The following NATD1 variants were observed in gnomAD, a reference collection of about 807,000 sequenced individuals.
NATD1 encodes the protein protein NATD1.
Under a neutral mutation model 12.0 loss-of-function variants are expected in NATD1, and 9 were observed. That is an observed-to-expected ratio of 0.75 (90% CI 0.45 to 1.30). The LOEUF is 1.30. Among genes scored for constraint, NATD1 ranks in the 50% most tolerant of loss-of-function variants. The pLI, the probability that NATD1 is intolerant of heterozygous loss-of-function variation, is 0.00. For synonymous variants in NATD1, 71 were observed against 65.9 expected (o/e 1.08, Z -0.37); for missense variants, 148 against 148.5 (o/e 1.00, Z 0.02).
chr17:21,243,336 A>G lies in NATD1; in HGVS notation c.319T>C (p.Tyr107His), dbSNP rs1251587492. The G allele has an allele frequency of 6.2e-7, 1 of 1,612,942 alleles. No homozygotes were observed. The highest frequency in any genetic ancestry group is 8.5e-7 in the Non-Finnish European group (1 of 1,179,890). ...GGTTACGGCTGCAGGCGCTCCAGGTACTGCGGCAGGGGGTTCTCCTTGACG... is the reference window on the plus strand; with the variant it reads ...GGTTACGGCTGCAGGCGCTCCAGGTGCTGCGGCAGGGGGTTCTCCTTGACG... ...KYVKENPLPQ[Y>H]LERLQP Residue 107 changes from tyrosine to histidine, a missense_variant, in exon 3 of 3, where the codon TAC (tyrosine) becomes CAC (histidine). Coordinates refer to ENST00000611551, the MANE Select transcript of NATD1 (RefSeq NM_152914.3).
chr17:21,244,918 T>C lies in NATD1; in HGVS notation c.107-694A>G, dbSNP rs1222134492. ...TGTCTCATCTATTTGTCTCTCCACC[T>C]ACCCATCCATCAACCCACCCATCCA... On this transcript the variant is annotated intron_variant, in intron 1 of 2. Coordinates refer to ENST00000611551, the MANE Select transcript of NATD1 (RefSeq NM_152914.3). This position sits in a 1 kb window ranked among gnomAD's most constrained non-coding sequence, Gnocchi z 5.2. Among the ~76,000 whole-genome samples the C allele has an allele frequency of 6.6e-6, 1 of 152,176 alleles. No homozygotes were observed. The highest frequency in any genetic ancestry group is 1.5e-5 in the Non-Finnish European group (1 of 68,020).
intron 1 of NATD1, among the ~76,000 whole-genome samples, chr17:21,248,412 C>T (rs938912898): frequency 1.3e-5 from 2 of 152,220 alleles, no homozygotes; most frequent in Non-Finnish European, 2.9e-5. Context: ...ACATGGCTTT[C>T]TAAACATGCC....
Position 21,243,333 on chromosome 17 carries a change from G to C in NATD1, c.322C>G (p.Leu108Val), listed in dbSNP as rs576804861. ...YVKENPLPQY[L>V]ERLQP ...CAGGGTTACGGCTGCAGGCGCTCCA[G>C]GTACTGCGGCAGGGGGTTCTCCTTG... is the stretch of plus-strand genomic sequence containing the variant. The change falls in exon 3 of 3, where the codon CTG (leucine) becomes GTG (valine). Residue 108 changes from leucine (L) to valine (V), a missense_variant. Leu to Val is a conservative substitution (Grantham distance 32). Transcript: ENST00000611551. 10 of 1,612,870 alleles carry C rather than the reference G, an allele frequency of 6.2e-6. No individual in the cohort carries two copies. Among genetic ancestry groups the C allele is most frequent in the Non-Finnish European group, 7.6e-6 (9 of 1,179,930 alleles).
rs566259623 is a variant in NATD1 at position 21,244,146 on chromosome 17, T to A, written c.185A>T (p.Asp62Val). 1 of 1,613,120 alleles carries A rather than the reference T, an allele frequency of 6.2e-7. No homozygotes were observed. The highest frequency in any genetic ancestry group is 1.3e-5 in the African/African-American group (1 of 75,024). Residue 62 changes from aspartate (D) to valine (V), a missense_variant, in exon 2 of 3, where the codon GAT (aspartate) becomes GTT (valine). Asp to Val is a radical substitution (Grantham distance 152, BLOSUM62 -3). Coordinates refer to ENST00000611551, the MANE Select transcript of NATD1 (RefSeq NM_152914.3). This position sits in a 1 kb window ranked among gnomAD's most constrained non-coding sequence, Gnocchi z 5.2. The stretch of plus-strand genomic sequence containing the variant: ...GGCGATGCCACGCCCACGGTAGGCA[T>A]CTGGGACCTCGGTGTGCTGCAGGTC... ...IVDLQHTEVP[D>V]AYRGRGIAKH...
In NATD1 at chr17:21,253,076, G is replaced by T. The variant is rs536859668; in HGVS notation, c.106+83C>A. 1,529 of 678,408 alleles carry T rather than the reference G, an allele frequency of 2.3e-3. 2 individuals carry two copies. Among genetic ancestry groups the T allele is most frequent in the Non-Finnish European group, 2.6e-3 (1,414 of 548,984 alleles). 42.0% of individuals were successfully genotyped at this position (678,408 alleles called of 1,614,324 possible). On this transcript the variant is annotated intron_variant, in intron 1 of 2. Transcript: ENST00000611551. ...GGAGCCGGGCCGCGGGCGCGCGGGG[G>T]ACAGGCACCCAGCAAGGGGGCGGCC... is the stretch of plus-strand genomic sequence containing the variant.
chr17:21,251,766 G>A (rs1000032782), intron 1 of NATD1, among the ~76,000 whole-genome samples: 3 of 152,172 alleles, frequency 2.0e-5, no homozygotes, highest in African/African-American at 4.8e-5. Context: ...GAGCCCCACC[G>A]TTCAGGGAGT....
intron 2 of NATD1, 59 bp from the exon 3 acceptor site, chr17:21,243,488 A>G (rs1344829474): frequency 1.4e-5 from 19 of 1,389,042 alleles, no homozygotes; most frequent in Middle Eastern, 1.8e-4. Context: ...AGAAGGTAGC[A>G]TTGTCTGCTG....
At chr17:21,250,167 AC>A (rs1337170296) in intron 1 of NATD1, among the ~76,000 whole-genome samples, 1 of 152,220 alleles carries the variant, frequency 6.6e-6, no homozygotes, top group African/African-American at 2.4e-5. Context: ...CCATAGGACA[AC>A]GGCTTCCAGG....
At chr17:21,251,180 T>C (rs1369323522) in intron 1 of NATD1, among the ~76,000 whole-genome samples, 2 of 150,974 alleles carry the variant, frequency 1.3e-5, no homozygotes, top group Non-Finnish European at 2.9e-5. Flanking sequence ...ATCTGGGCAG[T>C]GAATTCCAGA....
chr17:21,253,271 G>C lies in NATD1; in HGVS notation c.-7C>G. On this transcript the variant is annotated 5_prime_UTR_variant, in exon 1 of 3. Coordinates refer to ENST00000611551, the MANE Select transcript of NATD1 (RefSeq NM_152914.3). The stretch of plus-strand genomic sequence containing the variant: ...CGGCAGCCGAGTGCGCCATCTGCGC[G>C]CGGGGCTGCGGCGCGGCGCCGGCGG... 1.0e-6 allele frequency: 1 copy of C among 987,010 alleles called. No individual in the cohort carries two copies. Among genetic ancestry groups the C allele is most frequent in the Non-Finnish European group, 1.2e-6 (1 of 831,368 alleles). 61.1% of individuals were successfully genotyped at this position (987,010 alleles called of 1,614,324 possible).
intron 1 of NATD1, among the ~76,000 whole-genome samples, chr17:21,250,477 A>G (rs1433818182): frequency 6.6e-6 from 1 of 152,102 alleles, no homozygotes; most frequent in Non-Finnish European, 1.5e-5. Context: ...TTTCTTGTCC[A>G]TTTCCCTCTC....
At chr17:21,248,620 T>C (rs1975348492) in intron 1 of NATD1, among the ~76,000 whole-genome samples, 1 of 152,068 alleles carries the variant, frequency 6.6e-6, no homozygotes, top group African/African-American at 2.4e-5. Flanking sequence ...TCAGCCACGC[T>C]TTCACTTCTG....
rs1273652957 is a variant in NATD1, at chr17:21,240,862, C to G, written c.*2451G>C. The G allele has an allele frequency of 6.5e-6, 1 of 152,788 alleles. No individual in the cohort carries two copies. Among genetic ancestry groups the G allele is most frequent in the Non-Finnish European group, 1.5e-5 (1 of 68,238 alleles). The allele number at this position is 152,788 out of a possible 1,614,324, so 9.5% of individuals were successfully genotyped here. A position where few individuals can be genotyped will look rare whatever the true frequency, so the allele number is the denominator to read the frequency against. ...GGGCACGGTGTCTGTGGCAACCCAA[C>G]CTGGGAAGATGTTATTGCTCTGCTG... On this transcript the variant is annotated 3_prime_UTR_variant, in exon 3 of 3. Transcript: ENST00000611551.
chr17:21,244,234 G>T lies in NATD1; in HGVS notation c.107-10C>A. 1 of 1,608,444 alleles carries T rather than the reference G, an allele frequency of 6.2e-7. No homozygotes were observed. Among genetic ancestry groups the T allele is most frequent in the Non-Finnish European group, 8.5e-7 (1 of 1,177,126 alleles). On this transcript the variant is annotated splice_polypyrimidine_tract_variant and intron_variant, in intron 1 of 2. Coordinates refer to ENST00000611551, the MANE Select transcript of NATD1 (RefSeq NM_152914.3). The surrounding 1 kb of genome is among the most constrained non-coding windows in gnomAD (Gnocchi z 5.2). Reference sequence around the variant, plus strand: ...GCCCGGTCATGACATCCTGGGGGTTGTGGAGACAGGTAAGCCTATGCTGAC... The same window carrying T: ...GCCCGGTCATGACATCCTGGGGGTTTTGGAGACAGGTAAGCCTATGCTGAC...
In NATD1 at chr17:21,244,624, A is replaced by G. The variant is rs1387563450; in HGVS notation, c.107-400T>C. Among the ~76,000 whole-genome samples the G allele has an allele frequency of 6.6e-6, 1 of 152,136 alleles. No homozygotes were observed. Among genetic ancestry groups the G allele is most frequent in the African/African-American group, 2.4e-5 (1 of 41,420 alleles). Reference sequence around the variant, plus strand: ...CACTGGACACAGAACAGGGCTCAGCAAATCTGCAACTAAGGCAGAGCATGA... The same window carrying G: ...CACTGGACACAGAACAGGGCTCAGCGAATCTGCAACTAAGGCAGAGCATGA... On this transcript the variant is annotated intron_variant, in intron 1 of 2. Transcript: ENST00000611551. This position sits in a 1 kb window ranked among gnomAD's most constrained non-coding sequence, Gnocchi z 5.2.
chr17:21,250,156 C>T (rs558595313), intron 1 of NATD1, among the ~76,000 whole-genome samples: 5 of 152,356 alleles, frequency 3.3e-5, no homozygotes, highest in African/African-American at 1.2e-4. Flanking sequence ...CAAAGCCGAG[C>T]CCATAGGACA....
chr17:21,244,199 G>C lies in NATD1; in HGVS notation c.132C>G (p.Leu44=), dbSNP rs1404596965. The stretch of plus-strand genomic sequence containing the variant: ...CGATCCGCTTGCCCACGTACTCATA[G>C]AGCAGGACGGCCCGGTCATGACATC... ...LNGCHDRAVL[L]YEYVGKRIVD... Residue 44 remains leucine (L), a synonymous_variant, in exon 2 of 3, where the codon CTC becomes CTG. Coordinates refer to ENST00000611551, the MANE Select transcript of NATD1 (RefSeq NM_152914.3). The surrounding 1 kb of genome is among the most constrained non-coding windows in gnomAD (Gnocchi z 5.2). 6.2e-7 allele frequency: 1 copy of C among 1,612,904 alleles called. No individual in the cohort carries two copies. Among genetic ancestry groups the C allele is most frequent in the Non-Finnish European group, 8.5e-7 (1 of 1,179,634 alleles).
At chr17:21,243,980 G>A in intron 2 of NATD1, 126 bp downstream of exon 2, 1 of 805,566 alleles carries the variant, frequency 1.2e-6, no homozygotes, top group Non-Finnish European at 1.9e-6. Flanking sequence ...GGCGGCCACT[G>A]GCCCAGAGAG....
Position 21,243,138 on chromosome 17 carries a change from C to T in NATD1, c.*175G>A, listed in dbSNP as rs376801752. The T allele has an allele frequency of 1.2e-5, 7 of 571,694 alleles. No homozygotes were observed. Among genetic ancestry groups the T allele is most frequent in the South Asian group, 2.2e-5 (1 of 45,660 alleles). The allele number at this position is 571,694 out of a possible 1,614,324, so 35.4% of individuals were successfully genotyped here. A position where few individuals can be genotyped will look rare whatever the true frequency, so the allele number is the denominator to read the frequency against. On this transcript the variant is annotated 3_prime_UTR_variant, in exon 3 of 3. Transcript: ENST00000611551. ...CTTGCCGCCTCGGTTACCGGGTCAC[C>T]GCCCATCATTGGTCAGCTGCCTCCA...
Sources: gnomAD v4.1 joint callset for allele counts (sites outside exome capture counted in the v4.1 genomes callset) on GRCh38, gnomAD v4.1.1 for gene constraint, Gnocchi (gnomAD v3.1) non-coding constraint, MANE v1.5 for transcripts, NCBI Gene and HGNC (gene_info 2026-07-23, HGNC 2026-07-21) for gene names.